Variants in FGF14 observed in about 807,000 individuals in gnomAD.
The protein encoded by FGF14 is fibroblast growth factor homologous factor 4.
In FGF14, 5 loss-of-function variants were observed where a neutral mutation model predicts 25.5. That is an observed-to-expected ratio of 0.20 (90% CI 0.10 to 0.41). The LOEUF is 0.41. FGF14 is among the 10% of genes least tolerant of loss of function. The pLI is 1.00. For synonymous variants in FGF14, 138 were observed against 118.3 expected, an observed-to-expected ratio of 1.17 and a Z score of -1.08; for missense variants, 222 against 320.1, an observed-to-expected ratio of 0.69 and a Z score of 2.34.
chr13:101,851,169 G>C (rs1458607775), intron 3 of FGF14, among the ~76,000 whole-genome samples: 3 of 151,882 alleles, frequency 2.0e-5, no homozygotes, highest in Admixed American at 6.6e-5. Context: ...AATATGTCTG[G>C]TGTCTTTATA....
chr13:102,260,086 T>G (rs2052646391), intron 1 of FGF14, among the ~76,000 whole-genome samples: 1 of 145,956 alleles, frequency 6.9e-6, no homozygotes, highest in African/African-American at 2.5e-5. Flanking sequence ...GGAGGAGGAG[T>G]CAGAGAACAA....
intron 1 of FGF14, among the ~76,000 whole-genome samples, chr13:101,984,316 A>G (rs1349779415): frequency 6.6e-6 from 1 of 152,140 alleles, no homozygotes; most frequent in Non-Finnish European, 1.5e-5. Context: ...GTAGTCTTAA[A>G]TTTTCTAAGA....
intron 1 of FGF14, among the ~76,000 whole-genome samples, chr13:102,152,889 C>T (rs947981150): frequency 4.6e-5 from 7 of 152,044 alleles, no homozygotes; most frequent in Non-Finnish European, 8.8e-5. Context: ...GTGAGGGGGC[C>T]GTTTAAGAGG....
intron 1 of FGF14, among the ~76,000 whole-genome samples, chr13:102,313,660 T>A (rs2055883509): frequency 6.6e-6 from 1 of 152,170 alleles, no homozygotes; most frequent in Admixed American, 6.5e-5. Flanking sequence ...AATAGATTTT[T>A]AAACTAATAA....
At chr13:101,976,470 G>GA (rs572212036) in intron 1 of FGF14, among the ~76,000 whole-genome samples, 214 of 151,424 alleles carry the variant, frequency 1.4e-3, no homozygotes, top group Middle Eastern at 3.4e-3. Context: ...TACTTTTTTT[G>GA]AAAAAAAATC....
intron 1 of FGF14, among the ~76,000 whole-genome samples, chr13:102,103,795 G>A (rs2044772821): frequency 6.6e-6 from 1 of 152,086 alleles, no homozygotes; most frequent in South Asian, 2.1e-4. Context: ...CCCGTTCTCT[G>A]CCATAGAGTA....
chr13:102,103,825 T>C (rs547489906), intron 1 of FGF14, among the ~76,000 whole-genome samples: 1 of 152,126 alleles, frequency 6.6e-6, no homozygotes, highest in African/African-American at 2.4e-5. Context: ...TCACTGACCA[T>C]CAAGAAATCC....
chr13:101,966,043 C>T (rs771652022), intron 1 of FGF14, among the ~76,000 whole-genome samples: 20 of 152,122 alleles, frequency 1.3e-4, no homozygotes, highest in Non-Finnish European at 2.5e-4. Context: ...ATATATCCAA[C>T]AACAGAATTA....
At chr13:101,919,222 A>G (rs547602981), upstream of FGF14, among the ~76,000 whole-genome samples, 1 of 152,278 alleles carries the variant, frequency 6.6e-6, no homozygotes, top group African/African-American at 2.4e-5. Flanking sequence ...ATTATTGAAG[A>G]AACGCCATTT....
chr13:102,105,589 A>G (rs939815123), intron 1 of FGF14, among the ~76,000 whole-genome samples: 1 of 152,214 alleles, frequency 6.6e-6, no homozygotes, highest in African/African-American at 2.4e-5. Context: ...TGGAGAGTAG[A>G]TTTCTAAAAG....
chr13:102,156,667 T>C (rs1317046319), intron 1 of FGF14, among the ~76,000 whole-genome samples: 1 of 152,088 alleles, frequency 6.6e-6, no homozygotes, highest in Non-Finnish European at 1.5e-5. Flanking sequence ...CCAGGGCAAT[T>C]AGGCAGGAGA....
chr13:101,736,088 C>T (rs2036168615), intron 3 of FGF14, among the ~76,000 whole-genome samples: 1 of 152,122 alleles, frequency 6.6e-6, no homozygotes, highest in African/African-American at 2.4e-5. Flanking sequence ...AGCTCAAAGC[C>T]AGATGGTCAG....
intron 1 of FGF14, among the ~76,000 whole-genome samples, chr13:101,966,840 C>G (rs1566506980): frequency 6.6e-6 from 1 of 152,100 alleles, no homozygotes; most frequent in Non-Finnish European, 1.5e-5. Flanking sequence ...CCTAGAAATA[C>G]AGAAGACAGA....
At chr13:101,975,505 G>A (rs182250037) in intron 1 of FGF14, among the ~76,000 whole-genome samples, 8 of 152,174 alleles carry the variant, frequency 5.3e-5, no homozygotes, top group Non-Finnish European at 7.4e-5. Flanking sequence ...TTCCTGCCTC[G>A]TTATTTCATG....
At chr13:102,012,341 G>A (rs761335293) in intron 1 of FGF14, among the ~76,000 whole-genome samples, 1 of 152,138 alleles carries the variant, frequency 6.6e-6, no homozygotes, top group Non-Finnish European at 1.5e-5. Context: ...AGAAATCAAA[G>A]TCTTTAATGC....
chr13:102,341,812 T>C (rs1346927875), intron 1 of FGF14, among the ~76,000 whole-genome samples: 1 of 152,130 alleles, frequency 6.6e-6, no homozygotes, highest in Non-Finnish European at 1.5e-5. Flanking sequence ...ACCAGATAGG[T>C]GCCCTGGAGA....
chr13:102,023,490 T>G (rs1408429882), intron 1 of FGF14, among the ~76,000 whole-genome samples: 1 of 152,080 alleles, frequency 6.6e-6, no homozygotes, highest in Non-Finnish European at 1.5e-5. Flanking sequence ...GGTGTACAAT[T>G]TAGTGTTCTT....
At chr13:101,841,539 A>T (rs2043191567) in intron 3 of FGF14, among the ~76,000 whole-genome samples, 1 of 152,074 alleles carries the variant, frequency 6.6e-6, no homozygotes, top group African/African-American at 2.4e-5. Flanking sequence ...ATCCCATTAT[A>T]GTAAACTCAA....
At chr13:102,008,611 A>G (rs1177545425) in intron 1 of FGF14, among the ~76,000 whole-genome samples, 1 of 152,180 alleles carries the variant, frequency 6.6e-6, no homozygotes, top group African/African-American at 2.4e-5. Context: ...CAGCCTTTAA[A>G]TAACAAGATG....
Sources: gnomAD v4.1 joint callset for allele counts (sites outside exome capture counted in the v4.1 genomes callset) on GRCh38, gnomAD v4.1.1 for gene constraint, MANE v1.5 for transcripts, NCBI Gene and HGNC (gene_info 2026-07-23, HGNC 2026-07-21) for gene names.